AMN1: variants seen among roughly 807,000 people sequenced by gnomAD.
AMN1 encodes antagonist of mitotic exit network 1 homolog.
AMN1 carries 20 observed loss-of-function variants against 33.0 expected under a neutral mutation model. That is an observed-to-expected ratio of 0.61 (90% CI 0.43 to 0.88). The LOEUF (loss-of-function observed/expected upper bound fraction) is 0.88, where lower values mean the gene tolerates loss of function less well. Ranked by LOEUF, AMN1 falls within the 40% of genes least tolerant of loss-of-function variation. AMN1 has a pLI of 0.00. For missense variants in AMN1, 246 were observed against 307.4 expected (o/e 0.80, Z 1.49); for synonymous variants, 114 against 111.9 (o/e 1.02, Z -0.12).
intron 6 of AMN1, among the ~76,000 whole-genome samples, chr12:31,680,664 C>T (rs994121685): frequency 1.3e-5 from 2 of 151,984 alleles, no homozygotes; most frequent in Admixed American, 1.3e-4. Flanking sequence ...GAAACATAGT[C>T]GAGAAAATAG....
At chr12:31,695,391 C>T (rs1938676831) in intron 5 of AMN1, among the ~76,000 whole-genome samples, 1 of 151,682 alleles carries the variant, frequency 6.6e-6, no homozygotes, top group South Asian at 2.1e-4. Context: ...AATGTTTGCA[C>T]TTAAAATACC....
intron 3 of AMN1, among the ~76,000 whole-genome samples, chr12:31,699,345 G>A (rs1376065649): frequency 1.6e-4 from 19 of 120,502 alleles, no homozygotes; most frequent in South Asian, 5.6e-4. Context: ...GCAGTGAGCC[G>A]AGATGGCACC....
chr12:31,711,360 G>A (rs1939458591), intron 1 of AMN1, among the ~76,000 whole-genome samples: 1 of 152,016 alleles, frequency 6.6e-6, no homozygotes, highest in Non-Finnish European at 1.5e-5. Context: ...ATAAACATGG[G>A]ACTTGTCATA....
At chr12:31,708,611 C>T (rs575942679) in intron 2 of AMN1, 55 of 158,724 alleles carry the variant, frequency 3.5e-4, no homozygotes, top group South Asian at 2.7e-3. Flanking sequence ...CCTGTTCGTA[C>T]ATTCCTCCCC....
intron 1 of AMN1, among the ~76,000 whole-genome samples, chr12:31,727,772 A>G (rs1453779136): frequency 1.3e-5 from 2 of 151,444 alleles, no homozygotes; most frequent in Non-Finnish European, 2.9e-5. Flanking sequence ...TCTGTCGCCT[A>G]GCAGCCTAGG....
intron 5 of AMN1, among the ~76,000 whole-genome samples, chr12:31,690,515 T>C (rs957079817): frequency 6.6e-6 from 1 of 152,194 alleles, no homozygotes; most frequent in Non-Finnish European, 1.5e-5. Context: ...ACAAATGATG[T>C]TGAGCATTTT....
chr12:31,692,176 T>G (rs1345034226), intron 5 of AMN1, among the ~76,000 whole-genome samples: 1 of 151,464 alleles, frequency 6.6e-6, no homozygotes, highest in Admixed American at 6.6e-5. Flanking sequence ...TGCACCCAGC[T>G]GTAACATTAT....
chr12:31,682,963 C>CTTT (rs34868408), intron 6 of AMN1, among the ~76,000 whole-genome samples: 1,504 of 137,818 alleles, frequency 0.011, 33 homozygotes, highest in African/African-American at 0.022. Context: ...GTATGCTATT[C>CTTT]TTTTTTTTTT....
intron 3 of AMN1, among the ~76,000 whole-genome samples, chr12:31,700,052 A>C (rs1406314217): frequency 6.6e-6 from 1 of 152,090 alleles, no homozygotes; most frequent in Non-Finnish European, 1.5e-5. Flanking sequence ...AATATTATGA[A>C]TATCCTAACT....
intron 2 of AMN1, among the ~76,000 whole-genome samples, chr12:31,704,969 G>C (rs897420619): frequency 6.6e-6 from 1 of 152,146 alleles, no homozygotes; most frequent in African/African-American, 2.4e-5. Flanking sequence ...GTTCATCTAT[G>C]AGTCACATAT....
chr12:31,710,316 T>TA (rs1247170676), intron 1 of AMN1, among the ~76,000 whole-genome samples: 1 of 152,194 alleles, frequency 6.6e-6, no homozygotes. Flanking sequence ...ACTCATACTT[T>TA]AAAGAAACAA....
At chr12:31,717,039 C>G (rs1355290410) in intron 1 of AMN1, among the ~76,000 whole-genome samples, 2 of 151,766 alleles carry the variant, frequency 1.3e-5, no homozygotes, top group Non-Finnish European at 2.9e-5. Flanking sequence ...TATTTAAGTT[C>G]CGGGATATAC....
chr12:31,697,278 T>G, intron 5 of AMN1, 83 bp downstream of exon 5: 2 of 1,203,482 alleles, frequency 1.7e-6, no homozygotes, highest in African/African-American at 3.1e-5. Context: ...GATAAAGCAT[T>G]GGTTATCCGC....
chr12:31,726,206 A>C (rs1454784385), intron 1 of AMN1, among the ~76,000 whole-genome samples: 1 of 150,564 alleles, frequency 6.6e-6, no homozygotes, highest in African/African-American at 2.4e-5. Flanking sequence ...TTGTTGCCCA[A>C]ACTGGAGTGC....
chr12:31,728,868 G>A (rs527480551), intron 1 of AMN1, 103 bp downstream of exon 1: 6 of 1,167,548 alleles, frequency 5.1e-6, no homozygotes, highest in Admixed American at 2.6e-5. Flanking sequence ...AGAGGTCGGC[G>A]GGGGGGGTGG....
intron 5 of AMN1, among the ~76,000 whole-genome samples, chr12:31,693,685 G>A (rs1026085958): frequency 1.3e-5 from 2 of 151,868 alleles, no homozygotes; most frequent in Non-Finnish European, 2.9e-5. Flanking sequence ...TGGGATTACA[G>A]GCATGCGCCA....
chr12:31,705,542 T>C (rs1218333893), intron 2 of AMN1, among the ~76,000 whole-genome samples: 1 of 150,914 alleles, frequency 6.6e-6, no homozygotes, highest in African/African-American at 2.4e-5. Context: ...TATGCTGGAG[T>C]GCTATCATCA....
chr12:31,704,337 T>C (rs61146039), intron 2 of AMN1, among the ~76,000 whole-genome samples: 2,078 of 152,282 alleles, frequency 0.014, 53 homozygotes, highest in African/African-American at 0.048. Context: ...TGGAGATTTG[T>C]ATTTTTTCCT....
At chr12:31,713,294 T>A (rs997227605) in intron 1 of AMN1, among the ~76,000 whole-genome samples, 1 of 152,202 alleles carries the variant, frequency 6.6e-6, no homozygotes, top group Non-Finnish European at 1.5e-5. Context: ...AATGTATATA[T>A]GTTTATTTAC....
Sources: gnomAD v4.1 joint callset for allele counts (sites outside exome capture counted in the v4.1 genomes callset) on GRCh38, gnomAD v4.1.1 for gene constraint, MANE v1.5 for transcripts, NCBI Gene and HGNC (gene_info 2026-07-23, HGNC 2026-07-21) for gene names.